The following PCLO variants were observed in gnomAD, a reference collection of about 807,000 sequenced individuals.
The protein encoded by PCLO is protein piccolo.
A neutral mutation model predicts 427.5 loss-of-function variants in PCLO; 82 were observed. The ratio of observed to expected loss-of-function variants is 0.19; its 90% CI spans 0.16 to 0.23. The LOEUF is 0.23. Ranked by LOEUF, PCLO falls within the 10% of genes least tolerant of loss-of-function variation. PCLO has a pLI of 1.00. For missense variants in PCLO, 6,239 were observed against 6,115.9 expected (o/e 1.02, Z -0.67); for synonymous variants, 2,357 against 2,155.4 (o/e 1.09, Z -2.59).
chr7:82,831,523 C>G (rs143225533), intron 16 of PCLO, among the ~76,000 whole-genome samples: 13 of 152,110 alleles, frequency 8.5e-5, no homozygotes, highest in African/African-American at 3.1e-4. Context: ...TTTAGAGTTG[C>G]CTAGGGAAAT....
chr7:83,103,225 A>T (rs1419082025), intron 3 of PCLO, among the ~76,000 whole-genome samples: 1 of 151,940 alleles, frequency 6.6e-6, no homozygotes, highest in Non-Finnish European at 1.5e-5. Flanking sequence ...ATCTACTCCA[A>T]TCTATTTTTA....
intron 18 of PCLO, 120 bp from the exon 19 acceptor site, chr7:82,824,536 G>A (rs2115662175): frequency 1.9e-6 from 1 of 530,758 alleles, no homozygotes; most frequent in East Asian, 3.1e-5. Flanking sequence ...TATAACTTTT[G>A]AGGATGATGA....
chr7:83,024,175 G>A (rs1788419449), intron 3 of PCLO, among the ~76,000 whole-genome samples: 1 of 152,226 alleles, frequency 6.6e-6, no homozygotes, highest in South Asian at 2.1e-4. Context: ...GGTGATTTCT[G>A]CATTTCCATC....
At chr7:82,775,591 C>T (rs1056459207) in intron 22 of PCLO, among the ~76,000 whole-genome samples, 2 of 152,116 alleles carry the variant, frequency 1.3e-5, no homozygotes, top group African/African-American at 4.8e-5. Flanking sequence ...GTTTGCATTC[C>T]TTAAAGTTCT....
intron 3 of PCLO, among the ~76,000 whole-genome samples, chr7:83,103,187 T>C (rs1343475800): frequency 6.6e-6 from 1 of 151,962 alleles, no homozygotes; most frequent in Non-Finnish European, 1.5e-5. Context: ...AAAGCAACTA[T>C]TGTTTTTGAG....
In PCLO at chr7:83,155,135, T is replaced by C; in HGVS notation, c.1506A>G (p.Gln502=). The C allele has an allele frequency of 1.3e-6, 2 of 1,504,304 alleles. No individual in the cohort carries two copies. Among genetic ancestry groups the C allele is most frequent in the Non-Finnish European group, 9.0e-7 (1 of 1,108,714 alleles). 93.2% of individuals were successfully genotyped at this position (1,504,304 alleles called of 1,614,324 possible). A position where few individuals can be genotyped will look rare whatever the true frequency, so the allele number is the denominator to read the frequency against. The change falls in exon 2 of 25, where the codon CAA becomes CAG. Residue 502 remains glutamine (Q), a synonymous_variant. Transcript: ENST00000333891. ...QQPGSAKPPS[Q]QPGSTKPPPQ... ...GTGGGGGTTTTGTTGAGCCAGGCTG[T>C]TGAGATGGGGGCTTTGCTGAGCCAG...
chr7:83,065,200 C>T lies in PCLO; in HGVS notation c.3300+69050G>A, dbSNP rs540040444. 5.3e-5 allele frequency among the ~76,000 whole-genome samples: 8 copies of T among 152,052 alleles called. No homozygotes were observed. The South Asian group carries it at 1.7e-3, about 32-fold the overall frequency. The stretch of plus-strand genomic sequence containing the variant: ...TCCATGGGGAGTAGGCTTCTTGTAG[C>T]CACAGTCAGCTCAGTATGTTCTTCC... On this transcript the variant is annotated intron_variant, in intron 3 of 24. Coordinates refer to ENST00000333891, the MANE Select transcript of PCLO (RefSeq NM_033026.6).
intron 3 of PCLO, among the ~76,000 whole-genome samples, chr7:83,079,439 G>T (rs754197111): frequency 2.0e-5 from 3 of 150,832 alleles, no homozygotes; most frequent in African/African-American, 7.3e-5. Flanking sequence ...GAACCATTGA[G>T]GGGGAGGAGA....
chr7:83,057,144 C>T (rs1397154834), intron 3 of PCLO, among the ~76,000 whole-genome samples: 5 of 148,982 alleles, frequency 3.4e-5, no homozygotes, highest in Admixed American at 1.3e-4. Context: ...AGTACAGTGG[C>T]GCAATGTCGG....
chr7:82,902,826 A>T (rs1046510115), intron 8 of PCLO, 85 bp from the exon 9 acceptor site: 10 of 698,518 alleles, frequency 1.4e-5, no homozygotes, highest in Non-Finnish European at 2.3e-5. Flanking sequence ...TTCATTTCAA[A>T]GCACATTGAT....
Position 82,949,909 on chromosome 7 carries a change from T to C in PCLO, c.10679A>G (p.Tyr3560Cys), listed in dbSNP as rs758192541. 2.2e-5 allele frequency: 35 copies of C among 1,613,616 alleles called. 1 individual carries two copies. In the South Asian group the frequency reaches 3.7e-4, roughly 17 times the overall value. ...TTGACATCCTAAACTGCCCCCTTTG[T>C]AAGTCTTTTCAGGTGCTGAAATGTG... Reference protein sequence around the residue: ...IKHISAPEKTYKGGSLGCQTE... With the variant: ...IKHISAPEKTCKGGSLGCQTE... The change falls in exon 6 of 25, where the codon TAC becomes TGC. Residue 3560 changes from tyrosine (Y) to cysteine (C), a missense_variant. Around this residue, in one of 5 missense-constraint regions of PCLO, gnomAD observed 4,677 missense variants for 4,468.4 expected, o/e 1.05. Coordinates refer to ENST00000333891, the MANE Select transcript of PCLO (RefSeq NM_033026.6).
At chr7:82,776,377 G>C (rs1257596749) in intron 22 of PCLO, among the ~76,000 whole-genome samples, 1 of 152,112 alleles carries the variant, frequency 6.6e-6, no homozygotes, top group Admixed American at 6.5e-5. Context: ...CAGATCACTT[G>C]ATGTCAGGAG....
intron 8 of PCLO, among the ~76,000 whole-genome samples, chr7:82,906,245 T>C (rs939736341): frequency 6.6e-6 from 1 of 152,070 alleles, no homozygotes; most frequent in South Asian, 2.1e-4. Flanking sequence ...GATAAATTAG[T>C]GTTTGCATTA....
At chr7:83,074,703 TAAC>T (rs1184831318) in intron 3 of PCLO, among the ~76,000 whole-genome samples, 1 of 152,090 alleles carries the variant, frequency 6.6e-6, no homozygotes, top group East Asian at 1.9e-4. Flanking sequence ...ATAAAATAAC[TAAC>T]AAAAGGTGAT....
intron 22 of PCLO, 50 bp from the exon 23 acceptor site, chr7:82,761,543 A>C: frequency 7.2e-7 from 1 of 1,380,200 alleles, no homozygotes; most frequent in Non-Finnish European, 1.0e-6. Context: ...CCATATATGA[A>C]ATGTTTAGTT....
chr7:82,934,121 G>T (rs1351826156), intron 6 of PCLO, among the ~76,000 whole-genome samples: 1 of 151,568 alleles, frequency 6.6e-6, no homozygotes, highest in Non-Finnish European at 1.5e-5. Context: ...GATTTTTATG[G>T]GCAAAATTAT....
intron 2 of PCLO, among the ~76,000 whole-genome samples, chr7:83,144,456 A>C (rs2116648372): frequency 6.6e-6 from 1 of 152,252 alleles, no homozygotes; most frequent in East Asian, 1.9e-4. Context: ...ATCCTTAACT[A>C]TATTAAGGCC....
At chr7:82,904,886 T>C (rs773546966) in intron 8 of PCLO, among the ~76,000 whole-genome samples, 3 of 152,060 alleles carry the variant, frequency 2.0e-5, no homozygotes, top group Non-Finnish European at 4.4e-5. Flanking sequence ...GCAAGCAGCT[T>C]CATAAATCCA....
At chr7:83,027,226 A>C (rs1788525835) in intron 3 of PCLO, among the ~76,000 whole-genome samples, 1 of 145,526 alleles carries the variant, frequency 6.9e-6, no homozygotes, top group Non-Finnish European at 1.5e-5. Flanking sequence ...AATAAAGAAA[A>C]AAAGAGAGAA....
Sources: gnomAD v4.1 joint callset for allele counts (sites outside exome capture counted in the v4.1 genomes callset) on GRCh38, gnomAD v4.1.1 for gene constraint, gnomAD v4.1.1 regional missense constraint, MANE v1.5 for transcripts, NCBI Gene and HGNC (gene_info 2026-07-23, HGNC 2026-07-21) for gene names.